Variants in KIFAP3 observed in about 807,000 individuals in gnomAD.
The protein encoded by KIFAP3 is kinesin-associated protein 3.
A neutral mutation model predicts 106.5 loss-of-function variants in KIFAP3; 68 were observed. The ratio of observed to expected loss-of-function variants is 0.64; its 90% CI spans 0.53 to 0.78. KIFAP3 has a LOEUF of 0.78. Ranked by LOEUF, KIFAP3 falls within the 30% of genes least tolerant of loss-of-function variation. KIFAP3 has a pLI of 0.00. For missense variants in KIFAP3, 780 were observed against 941.8 expected, an observed-to-expected ratio of 0.83 and a Z score of 2.25; for synonymous variants, 320 against 311.5, an observed-to-expected ratio of 1.03 and a Z score of -0.29.
intron 19 of KIFAP3, among the ~76,000 whole-genome samples, chr1:169,938,397 C>A (rs939673480): frequency 3.3e-5 from 5 of 151,844 alleles, no homozygotes; most frequent in Non-Finnish European, 7.4e-5. Flanking sequence ...ATACTATAAG[C>A]AGGATATATA....
At chr1:169,928,723 T>TAAAAAAAAAAAAAAAAAAAAAAAAAAA (rs1258694998) in intron 19 of KIFAP3, among the ~76,000 whole-genome samples, 17 of 65,408 alleles carry the variant, frequency 2.6e-4, no homozygotes, top group Non-Finnish European at 3.4e-4. Context: ...AAAAAAAAAT[T>TAAAAAAAAAAAAAAAAAAAAAAAAAAA]AAAGTTATAC....
chr1:169,992,177 GCAAA>G lies in KIFAP3; in HGVS notation c.1258_1261del (p.Phe420HisfsTer9). The G allele has an allele frequency of 6.4e-7, 1 of 1,567,958 alleles. No homozygotes were observed. The highest frequency in any genetic ancestry group is 8.7e-7 in the Non-Finnish European group (1 of 1,155,694). On this transcript the variant is annotated frameshift_variant, in exon 11 of 20. Transcript: ENST00000361580. LOFTEE classifies it high-confidence loss of function. ...TACCTGTGGTATACAGTCAGTGTAT[GCAAA>G]CATTGATTTAAAGCGGTCATCCATG...
chr1:170,061,493 C>A lies in KIFAP3; in HGVS notation c.33-6057G>T, dbSNP rs544049477. Among the ~76,000 whole-genome samples, 526 of 152,206 alleles carry A rather than the reference C, an allele frequency of 3.5e-3. 2 individuals carry two copies. Among genetic ancestry groups the A allele is most frequent in the African/African-American group, 0.012 (489 of 41,514 alleles). On this transcript the variant is annotated intron_variant, in intron 1 of 19. Coordinates refer to ENST00000361580, the MANE Select transcript of KIFAP3 (RefSeq NM_014970.4). ...ATCTCACACTAGTTAGAATGGTGAT[C>A]ATTAAAAAGTCAGGAAACAACAGGT...
chr1:169,972,479 A>C, intron 17 of KIFAP3, 34 bp downstream of exon 17: 1 of 1,039,340 alleles, frequency 9.6e-7, no homozygotes, highest in Admixed American at 1.9e-5. Flanking sequence ...AGATGAAGTC[A>C]ATTATACTTT....
At chr1:170,044,161 T>C (rs1670125269) in intron 3 of KIFAP3, among the ~76,000 whole-genome samples, 1 of 152,196 alleles carries the variant, frequency 6.6e-6, no homozygotes, top group Non-Finnish European at 1.5e-5. Context: ...AAAGTTGAAA[T>C]GTTTATATAG....
At chr1:169,925,951 G>A (rs148554012) in intron 19 of KIFAP3, among the ~76,000 whole-genome samples, 46 of 152,292 alleles carry the variant, frequency 3.0e-4, no homozygotes, top group African/African-American at 1.1e-3. Context: ...CAATATCAAT[G>A]TAGAGCAAGT....
upstream of KIFAP3, chr1:170,074,870 G>A: frequency 1.8e-6 from 1 of 552,772 alleles, no homozygotes; most frequent in Non-Finnish European, 2.5e-6. Context: ...CCTTGAGGAT[G>A]GGAATAGAAA....
Position 169,982,827 on chromosome 1 carries a change from T to C in KIFAP3, c.1547A>G (p.Glu516Gly). ...ACATTCAATCACAAACTCCTCTTCT[T>C]CATCATTAGAGATCTGGGCTGCAAG... ...GDLAAQISND[E>G]EEEFVIECLG... The change falls in exon 14 of 20, where the codon GAA becomes GGA. Residue 516 changes from glutamate (E) to glycine (G), a missense_variant. This residue lies in a region of KIFAP3 where 588 missense variants were observed against 678.9 expected (regional missense o/e 0.87). Coordinates refer to ENST00000361580, the MANE Select transcript of KIFAP3 (RefSeq NM_014970.4). 1 of 1,604,384 alleles carries C rather than the reference T, an allele frequency of 6.2e-7. No individual in the cohort carries two copies. The highest frequency in any genetic ancestry group is 8.5e-7 in the Non-Finnish European group (1 of 1,173,656).
rs569783247 is a variant in KIFAP3, at chr1:170,056,984, A to G, written c.33-1548T>C. ...TAAGATAAACAGATAATATGTACAA[A>G]AGCTATAGAAGTCACAGGAAACAAA... On this transcript the variant is annotated intron_variant, in intron 1 of 19. Transcript: ENST00000361580. 9.8e-5 allele frequency among the ~76,000 whole-genome samples: 15 copies of G among 152,292 alleles called. No homozygotes were observed. The South Asian group carries it at 2.9e-3, about 29-fold the overall frequency.
At chr1:169,986,972 T>G (rs928949388) in intron 11 of KIFAP3, among the ~76,000 whole-genome samples, 2 of 151,978 alleles carry the variant, frequency 1.3e-5, no homozygotes, top group African/African-American at 2.4e-5. Context: ...GAAAACTTAC[T>G]CAACTCCCAT....
At chr1:169,992,306 T>C (rs781340243) in intron 10 of KIFAP3, 51 bp from the exon 11 acceptor site, 5 of 910,594 alleles carry the variant, frequency 5.5e-6, no homozygotes, top group South Asian at 1.9e-5. Context: ...ATTTTTTATA[T>C]AGCACACTCA....
chr1:169,927,536 C>A (rs1663209291), intron 19 of KIFAP3, among the ~76,000 whole-genome samples: 1 of 152,132 alleles, frequency 6.6e-6, no homozygotes, highest in African/African-American at 2.4e-5. Context: ...TATTGTATTT[C>A]TTTCCCATTA....
In KIFAP3 at chr1:170,046,765, A is replaced by G; in HGVS notation, c.266T>C (p.Val89Ala). 6.2e-7 allele frequency: 1 copy of G among 1,608,592 alleles called. No homozygotes were observed. Among genetic ancestry groups the G allele is most frequent in the Non-Finnish European group, 8.5e-7 (1 of 1,177,276 alleles). ...KLIHPSKLNE[V>A]EQLLYYLQNR... ...CTGTAGATAGTACAACAGCTGTTCTACCTCATTTAGTTTTGAAGGATGAAT... is the reference window on the plus strand; with the variant it reads ...CTGTAGATAGTACAACAGCTGTTCTGCCTCATTTAGTTTTGAAGGATGAAT... Residue 89 changes from valine (V) to alanine (A), a missense_variant, in exon 3 of 20, where the codon GTA becomes GCA. Physicochemically the swap from Val to Ala is moderately conservative, Grantham distance 64. Coordinates refer to ENST00000361580, the MANE Select transcript of KIFAP3 (RefSeq NM_014970.4).
intron 3 of KIFAP3, among the ~76,000 whole-genome samples, chr1:170,044,545 T>C (rs1670144970): frequency 6.6e-6 from 1 of 152,220 alleles, no homozygotes; most frequent in African/African-American, 2.4e-5. Flanking sequence ...TGGAAGGACA[T>C]AAAATGATCA....
At chr1:170,076,237 C>A (rs954817676), upstream of KIFAP3, among the ~76,000 whole-genome samples, 2 of 151,586 alleles carry the variant, frequency 1.3e-5, no homozygotes, top group South Asian at 2.1e-4. Flanking sequence ...AACAAAAAAA[C>A]CTAAAGAAAA....
intron 10 of KIFAP3, among the ~76,000 whole-genome samples, chr1:169,994,742 T>A (rs1220048883): frequency 6.6e-6 from 1 of 151,966 alleles, no homozygotes; most frequent in African/African-American, 2.4e-5. Flanking sequence ...ATGGTATTAT[T>A]TATAGAAAAA....
chr1:169,932,662 T>C (rs1663555717), intron 19 of KIFAP3, among the ~76,000 whole-genome samples: 1 of 149,266 alleles, frequency 6.7e-6, no homozygotes, highest in African/African-American at 2.4e-5. Flanking sequence ...CTTATATGAA[T>C]AAAAAACACT....
At chr1:170,009,157 G>A (rs568160800) in intron 10 of KIFAP3, among the ~76,000 whole-genome samples, 9 of 152,184 alleles carry the variant, frequency 5.9e-5, no homozygotes, top group African/African-American at 2.2e-4. Context: ...TAATGTAGAT[G>A]ATGGGTTGAT....
chr1:170,068,470 G>A (rs538688647), intron 1 of KIFAP3: 1 of 151,918 alleles, frequency 6.6e-6, no homozygotes, highest in Non-Finnish European at 1.5e-5. Flanking sequence ...TCTGAGCAGA[G>A]AGAGAAAAGA....
Sources: gnomAD v4.1 joint callset for allele counts (sites outside exome capture counted in the v4.1 genomes callset) on GRCh38, gnomAD v4.1.1 for gene constraint, gnomAD v4.1.1 regional missense constraint, MANE v1.5 for transcripts, NCBI Gene and HGNC (gene_info 2026-07-23, HGNC 2026-07-21) for gene names.